USP15: variants seen among roughly 807,000 people sequenced by gnomAD.
The protein encoded by USP15 is ubiquitin carboxyl-terminal hydrolase 15.
Under a neutral mutation model 127.1 loss-of-function variants are expected in USP15, and 18 were observed. The ratio of observed to expected loss-of-function variants is 0.14; its 90% CI spans 0.10 to 0.21. The LOEUF (loss-of-function observed/expected upper bound fraction) is 0.21, where lower values mean the gene tolerates loss of function less well. Among genes scored for constraint, USP15 ranks in the 10% least tolerant of loss-of-function variants. USP15 has a pLI of 1.00. For missense variants in USP15, 805 were observed against 1,159.9 expected, an observed-to-expected ratio of 0.69 and a Z score of 4.44; for synonymous variants, 364 against 393.7, an observed-to-expected ratio of 0.92 and a Z score of 0.89.
Position 62,331,013 on chromosome 12 carries a change from C to T in USP15, c.683+5080C>T, listed in dbSNP as rs114260445. 2.2e-3 allele frequency among the ~76,000 whole-genome samples: 334 copies of T among 151,046 alleles called. 2 individuals are homozygous for T. Among genetic ancestry groups the T allele is most frequent in the African/African-American group, 7.8e-3 (319 of 41,146 alleles). ...GCAAATTTAACTCCAGCACAGAACA[C>T]GTAATTTTAAGTCCTTAGGAAGGAC... is the stretch of plus-strand genomic sequence containing the variant. On this transcript the variant is annotated intron_variant, in intron 6 of 21. Coordinates refer to ENST00000280377, the MANE Select transcript of USP15 (RefSeq NM_001252078.2).
intron 8 of USP15, among the ~76,000 whole-genome samples, chr12:62,364,638 T>C (rs929220558): frequency 6.6e-6 from 1 of 152,172 alleles, no homozygotes; most frequent in Non-Finnish European, 1.5e-5. Context: ...GGTATACACG[T>C]GCCAAGGTGG....
intron 2 of USP15, among the ~76,000 whole-genome samples, chr12:62,297,682 G>T (rs1169410212): frequency 6.6e-6 from 1 of 152,216 alleles, no homozygotes; most frequent in Non-Finnish European, 1.5e-5. Context: ...TTGGGTGGAA[G>T]TGAAGCTATT....
chr12:62,349,334 T>C (rs1592643969), intron 7 of USP15, 27 bp downstream of exon 7: 1 of 1,405,838 alleles, frequency 7.1e-7, no homozygotes, highest in Non-Finnish European at 9.4e-7. Flanking sequence ...AAAAACTCTT[T>C]GTTTAATTGA....
intron 6 of USP15, among the ~76,000 whole-genome samples, chr12:62,343,007 T>C (rs774499784): frequency 5.1e-4 from 78 of 152,154 alleles, no homozygotes; most frequent in Non-Finnish European, 9.3e-4. Context: ...CCACTGAAGC[T>C]ACACCCACAG....
rs1348719003 is a variant in USP15, at chr12:62,396,361, T to C, written c.2637T>C (p.Ala879=). 3 of 1,611,386 alleles carry C rather than the reference T, an allele frequency of 1.9e-6. No homozygotes were observed. Among genetic ancestry groups the C allele is most frequent in the Non-Finnish European group, 2.5e-6 (3 of 1,178,854 alleles). ...NAGPCRYNLI[A]VSNHYGGMGG... ...GTCCTTGCCGCTATAATCTGATTGC[T>C]GTTTCCAACCACTATGGAGGGATGG... The change falls in exon 20 of 22, where the codon GCT becomes GCC. Residue 879 remains alanine, a synonymous_variant. Transcript: ENST00000280377.
intron 6 of USP15, chr12:62,336,345 C>CT (rs2065464562): frequency 1.0e-6 from 1 of 985,372 alleles, no homozygotes; most frequent in Non-Finnish European, 1.2e-6. Context: ...TCCCCTCAAC[C>CT]TAAACTGTCT....
At chr12:62,366,272 T>C (rs572222498) in intron 8 of USP15, among the ~76,000 whole-genome samples, 1 of 152,342 alleles carries the variant, frequency 6.6e-6, no homozygotes, top group Non-Finnish European at 1.5e-5. Context: ...TCACATCCCT[T>C]GTAAGTGGTA....
chr12:62,313,372 T>A (rs957716725), intron 3 of USP15, among the ~76,000 whole-genome samples: 3 of 151,708 alleles, frequency 2.0e-5, no homozygotes, highest in Non-Finnish European at 4.4e-5. Flanking sequence ...TTTTTAACCA[T>A]ACTTATTCCT....
intron 6 of USP15, among the ~76,000 whole-genome samples, chr12:62,345,820 GAA>G (rs1485723021): frequency 6.6e-6 from 1 of 152,084 alleles, no homozygotes; most frequent in East Asian, 1.9e-4. Flanking sequence ...GGCAGGCAAA[GAA>G]AGAGAGCTTG....
At chr12:62,350,905 A>G (rs1233789540) in intron 7 of USP15, among the ~76,000 whole-genome samples, 3 of 152,142 alleles carry the variant, frequency 2.0e-5, no homozygotes, top group Non-Finnish European at 4.4e-5. Context: ...GATTGCAGGC[A>G]TGAGCCACCT....
At chr12:62,397,573 T>G (rs1440540551) in intron 20 of USP15, among the ~76,000 whole-genome samples, 1 of 152,004 alleles carries the variant, frequency 6.6e-6, no homozygotes, top group Non-Finnish European at 1.5e-5. Context: ...AAATCAACCT[T>G]CCTGGCCAGG....
rs2066024887 is a variant in USP15 at position 62,353,515 on chromosome 12, T to C, written c.771-1816T>C. Among the ~76,000 whole-genome samples the C allele has an allele frequency of 3.9e-5, 6 of 151,996 alleles. No homozygotes were observed. The South Asian group carries it at 1.0e-3, about 26-fold the overall frequency. ...CATGACCATGCATTTGGGCATACTT[T>C]CCTGTGTGCTCTGGCTGCTTAAATT... On this transcript the variant is annotated intron_variant, in intron 7 of 21. Coordinates refer to ENST00000280377, the MANE Select transcript of USP15 (RefSeq NM_001252078.2).
rs1230349080 is a variant in USP15, at chr12:62,411,948, C to A, written c.*7573C>A. On this transcript the variant is annotated 3_prime_UTR_variant, in exon 22 of 22. Coordinates refer to ENST00000280377, the MANE Select transcript of USP15 (RefSeq NM_001252078.2). ...TCTAAACCTAATTATCTCCTAAAGA[C>A]TTCCTCTCCAAATACTATTTAAGGC... is the stretch of plus-strand genomic sequence containing the variant. 1 of 152,110 alleles carries A rather than the reference C, an allele frequency of 6.6e-6. No individual in the cohort carries two copies. The highest frequency in any genetic ancestry group is 2.4e-5 in the African/African-American group (1 of 41,412). 9.4% of individuals were successfully genotyped at this position (152,110 alleles called of 1,614,324 possible). A position where few individuals can be genotyped will look rare whatever the true frequency, so the allele number is the denominator to read the frequency against.
chr12:62,309,537 C>A (rs1032325531), intron 3 of USP15, among the ~76,000 whole-genome samples: 2 of 151,920 alleles, frequency 1.3e-5, no homozygotes, highest in African/African-American at 4.8e-5. Context: ...AGAATAGAAG[C>A]AGTACTCCCC....
At chr12:62,343,837 G>A (rs1326641331) in intron 6 of USP15, among the ~76,000 whole-genome samples, 1 of 152,066 alleles carries the variant, frequency 6.6e-6, no homozygotes, top group African/African-American at 2.4e-5. Context: ...GTTTCTATTT[G>A]GCCATCTTGG....
chr12:62,278,715 G>T (rs2063563649), intron 1 of USP15: 1 of 152,092 alleles, frequency 6.6e-6, no homozygotes, highest in Non-Finnish European at 1.5e-5. Flanking sequence ...TGAAAATATT[G>T]TAAGTAAAAA....
chr12:62,391,220 A>T lies in USP15; in HGVS notation c.2024A>T (p.Asn675Ile). Residue 675 changes from asparagine (N) to isoleucine (I), a missense_variant, in exon 16 of 22, where the codon AAT becomes ATT. Coordinates refer to ENST00000280377, the MANE Select transcript of USP15 (RefSeq NM_001252078.2). ...SSQDQELPSE[N>I]ENSQSEDSVG... ...CAGGATCAAGAACTTCCCTCAGAGA[A>T]TGAAAACAGTCAGTCTGAAGATTCA... The T allele has an allele frequency of 6.2e-7, 1 of 1,613,644 alleles. No individual in the cohort carries two copies. Among genetic ancestry groups the T allele is most frequent in the Non-Finnish European group, 8.5e-7 (1 of 1,179,720 alleles).
At chr12:62,342,556 T>C (rs1321659075) in intron 6 of USP15, among the ~76,000 whole-genome samples, 3 of 152,162 alleles carry the variant, frequency 2.0e-5, no homozygotes, top group African/African-American at 7.2e-5. Context: ...CTACCTTTGG[T>C]CTTTGAGGCT....
chr12:62,349,232 C>T lies in USP15; in HGVS notation c.695C>T (p.Ala232Val). 6.7e-7 allele frequency: 1 copy of T among 1,498,844 alleles called. No individual in the cohort carries two copies. The highest frequency in any genetic ancestry group is 8.9e-7 in the Non-Finnish European group (1 of 1,126,860). The allele number at this position is 1,498,844 out of a possible 1,614,324, so 92.8% of individuals were successfully genotyped here. Residue 232 changes from alanine to valine, a missense_variant, in exon 7 of 22, where the codon GCA becomes GTA. Ala to Val is a moderately conservative substitution (Grantham distance 64, BLOSUM62 0). Around this residue, in one of 11 missense-constraint regions of USP15, gnomAD observed 84 missense variants for 107.7 expected, o/e 0.78. Coordinates refer to ENST00000280377, the MANE Select transcript of USP15 (RefSeq NM_001252078.2). The stretch of plus-strand genomic sequence containing the variant: ...TCATATTTTTAAAGGTCCCCAGGTG[C>T]ATCCAATTTTTCAACTTTACCAAAG... ...RGPSTPKSPG[A>V]SNFSTLPKIS...
Sources: allele counts gnomAD v4.1 joint callset (sites outside exome capture counted in the v4.1 genomes callset), GRCh38; gene constraint gnomAD v4.1.1; regional missense constraint gnomAD v4.1.1; transcripts MANE v1.5; gene names NCBI Gene and HGNC (gene_info 2026-07-23, HGNC 2026-07-21).